Variants in GALNT13 observed in about 807,000 individuals in gnomAD.
GALNT13 encodes polypeptide N-acetylgalactosaminyltransferase 13.
In GALNT13, 28 loss-of-function variants were observed where a neutral mutation model predicts 64.2. The observed-to-expected ratio is 0.44, with a 90% CI of 0.32 to 0.60. The LOEUF is 0.60. Among genes scored for constraint, GALNT13 ranks in the 20% least tolerant of loss-of-function variants. GALNT13 has a pLI of 0.05. For missense variants in GALNT13, 577 were observed against 669.8 expected, an observed-to-expected ratio of 0.86 and a Z score of 1.53; for synonymous variants, 214 against 224.6, an observed-to-expected ratio of 0.95 and a Z score of 0.42.
intron 10 of GALNT13, among the ~76,000 whole-genome samples, chr2:154,401,153 C>A (rs1699283831): frequency 6.6e-6 from 1 of 152,066 alleles, no homozygotes; most frequent in African/African-American, 2.4e-5. Flanking sequence ...AGTTAAAGTT[C>A]TTGCCTATAT....
the GALNT13 span, among the ~76,000 whole-genome samples, chr2:153,131,869 T>A: frequency 6.6e-6 from 1 of 151,974 alleles, no homozygotes; most frequent in Admixed American, 6.6e-5. Flanking sequence ...TCATGAGTAT[T>A]TTCTATGGGA....
chr2:153,787,648 A>C, the GALNT13 span, among the ~76,000 whole-genome samples: 1 of 152,218 alleles, frequency 6.6e-6, no homozygotes, highest in Non-Finnish European at 1.5e-5. Context: ...AATAAAAATC[A>C]AAATTCAGGA....
the GALNT13 span, among the ~76,000 whole-genome samples, chr2:153,164,984 A>G: frequency 5.0e-4 from 76 of 152,318 alleles, no homozygotes; most frequent in African/African-American, 1.8e-3. Flanking sequence ...GTGACACTAT[A>G]TTGGATAAAA....
the GALNT13 span, among the ~76,000 whole-genome samples, chr2:153,303,537 T>C: frequency 6.6e-6 from 1 of 152,198 alleles, no homozygotes; most frequent in Non-Finnish European, 1.5e-5. Context: ...AGATACCTTT[T>C]GTTTCTTTCT....
the GALNT13 span, among the ~76,000 whole-genome samples, chr2:153,835,362 A>G: frequency 6.6e-6 from 1 of 152,072 alleles, no homozygotes; most frequent in East Asian, 1.9e-4. Flanking sequence ...CCAACAATGT[A>G]CTTTCTTATT....
chr2:153,843,881 T>A, the GALNT13 span, among the ~76,000 whole-genome samples: 2 of 152,218 alleles, frequency 1.3e-5, no homozygotes, highest in Admixed American at 6.5e-5. Context: ...TTAGGTTCCA[T>A]GTACCACATC....
At chr2:153,197,739 A>G in the GALNT13 span, among the ~76,000 whole-genome samples, 8 of 152,256 alleles carry the variant, frequency 5.3e-5, no homozygotes, top group East Asian at 1.2e-3. Flanking sequence ...GCTTGGGAGG[A>G]CAGAGTTTCT....
chr2:153,439,298 C>G, the GALNT13 span, among the ~76,000 whole-genome samples: 1 of 152,202 alleles, frequency 6.6e-6, no homozygotes, highest in Non-Finnish European at 1.5e-5. Flanking sequence ...TCTGCCTGTT[C>G]TCAGATCTCC....
the GALNT13 span, among the ~76,000 whole-genome samples, chr2:153,333,409 C>T: frequency 1.3e-5 from 2 of 152,118 alleles, no homozygotes; most frequent in African/African-American, 2.4e-5. Context: ...ATCACAAGGG[C>T]CGTTTGCTGG....
At chr2:153,111,428 T>C in the GALNT13 span, among the ~76,000 whole-genome samples, 1 of 152,136 alleles carries the variant, frequency 6.6e-6, no homozygotes, top group African/African-American at 2.4e-5. Flanking sequence ...GCCAGTTTTT[T>C]TCACTGTATT....
the GALNT13 span, among the ~76,000 whole-genome samples, chr2:153,182,431 T>C: frequency 2.4e-4 from 37 of 152,338 alleles, no homozygotes; most frequent in Middle Eastern, 6.8e-3. Flanking sequence ...CCAAAAGATA[T>C]TTTTAAGTTT....
intron 3 of GALNT13, among the ~76,000 whole-genome samples, chr2:154,047,349 C>G (rs2113662): frequency 1.3e-5 from 2 of 152,094 alleles, no homozygotes; most frequent in South Asian, 2.1e-4. Flanking sequence ...TTCTGTAGAT[C>G]TTAAGTATGA....
chr2:154,352,772 G>A (rs542805344), intron 9 of GALNT13, among the ~76,000 whole-genome samples: 1 of 152,134 alleles, frequency 6.6e-6, no homozygotes, highest in African/African-American at 2.4e-5. Flanking sequence ...CTCCCACTTA[G>A]GGTACCTAGT....
At chr2:153,679,154 T>C in the GALNT13 span, among the ~76,000 whole-genome samples, 6 of 151,976 alleles carry the variant, frequency 3.9e-5, no homozygotes, top group African/African-American at 1.4e-4. Flanking sequence ...ACTACATATG[T>C]CTTTATTTCC....
At chr2:153,594,285 A>G in the GALNT13 span, among the ~76,000 whole-genome samples, 6 of 152,156 alleles carry the variant, frequency 3.9e-5, no homozygotes, top group Admixed American at 6.5e-5. Flanking sequence ...AAGGTTACCA[A>G]TGACTAAAAA....
intron 3 of GALNT13, among the ~76,000 whole-genome samples, chr2:154,127,709 C>CGTGT (rs1553481965): frequency 6.4e-5 from 8 of 125,912 alleles, no homozygotes; most frequent in Admixed American, 6.3e-4. Flanking sequence ...CACACACACA[C>CGTGT]GTGTGTGTGT....
the GALNT13 span, among the ~76,000 whole-genome samples, chr2:153,824,875 C>T: frequency 0.3 from 45,721 of 151,980 alleles, 7,456 homozygotes; most frequent in Middle Eastern, 0.42. Flanking sequence ...GATGTGCCTG[C>T]TTCTCCTTTG....
chr2:154,179,209 A>G (rs1287517619), intron 4 of GALNT13, among the ~76,000 whole-genome samples: 3 of 152,134 alleles, frequency 2.0e-5, no homozygotes, highest in Non-Finnish European at 2.9e-5. Flanking sequence ...TACCAATATT[A>G]TATAGTTTAT....
the GALNT13 span, among the ~76,000 whole-genome samples, chr2:153,683,271 A>C: frequency 6.6e-6 from 1 of 151,782 alleles, no homozygotes; most frequent in African/African-American, 2.4e-5. Context: ...AGTGATTGGA[A>C]GTATTAAAAT....
Sources: gnomAD v4.1 joint callset for allele counts (sites outside exome capture counted in the v4.1 genomes callset) on GRCh38, gnomAD v4.1.1 for gene constraint, MANE v1.5 for transcripts, NCBI Gene and HGNC (gene_info 2026-07-23, HGNC 2026-07-21) for gene names.